The following TUBGCP3 variants were observed in gnomAD, a reference collection of about 807,000 sequenced individuals.
TUBGCP3 encodes the protein tubulin gamma complex component 3, also known as gamma-tubulin complex component 3.
TUBGCP3 carries 50 observed loss-of-function variants against 123.1 expected under a neutral mutation model. The ratio of observed to expected loss-of-function variants is 0.41; its 90% CI spans 0.32 to 0.51. TUBGCP3 has a LOEUF of 0.51. Among genes scored for constraint, TUBGCP3 ranks in the 20% least tolerant of loss-of-function variants. The probability of loss-of-function intolerance (pLI) is 0.36; values close to 1 mark genes in which losing one functional copy is unlikely to be tolerated. For synonymous variants in TUBGCP3, 405 were observed against 413.9 expected (o/e 0.98, Z 0.26); for missense variants, 882 against 1,127.0 (o/e 0.78, Z 3.11).
rs561898632 is a variant in TUBGCP3, at chr13:112,538,816, C to T, written c.1335+6883G>A. On this transcript the variant is annotated intron_variant, in intron 11 of 21. Transcript: ENST00000261965. Reference sequence around the variant, plus strand: ...GCAATTTTACAACAAAGTTATAATTCCCATTAGGGAAACTAAGGAAAAATT... The same window carrying T: ...GCAATTTTACAACAAAGTTATAATTTCCATTAGGGAAACTAAGGAAAAATT... Among the ~76,000 whole-genome samples the T allele has an allele frequency of 5.7e-3, 870 of 152,102 alleles. 7 individuals carry two copies. Among genetic ancestry groups the T allele is most frequent in the African/African-American group, 0.02 (830 of 41,492 alleles).
At chr13:112,520,166 G>T in intron 14 of TUBGCP3, 145 bp from the exon 15 acceptor site, 1 of 674,914 alleles carries the variant, frequency 1.5e-6, no homozygotes, top group Non-Finnish European at 2.3e-6. Flanking sequence ...GGCAACAAAA[G>T]CTTCAGAGCA....
In TUBGCP3 at chr13:112,588,047, CG is replaced by C. The variant is rs1437724849; in HGVS notation, c.-68del. 1 of 1,300,140 alleles carries C rather than the reference CG, an allele frequency of 7.7e-7. No homozygotes were observed. Among genetic ancestry groups the C allele is most frequent in the Non-Finnish European group, 1.0e-6 (1 of 998,388 alleles). The allele number at this position is 1,300,140 out of a possible 1,614,324, so 80.5% of individuals were successfully genotyped here. On this transcript the variant is annotated 5_prime_UTR_variant, in exon 1 of 22. Transcript: ENST00000261965. Reference sequence around the variant, plus strand: ...ACTGCCGCCGCACGCGCAGGGACCGCGGCCCGCGCCCTTCCTGCGCCCCGCA... The same window carrying C: ...ACTGCCGCCGCACGCGCAGGGACCGCGCCCGCGCCCTTCCTGCGCCCCGCA...
At chr13:112,535,807 G>A (rs6577089) in intron 11 of TUBGCP3, among the ~76,000 whole-genome samples, 1 of 151,978 alleles carries the variant, frequency 6.6e-6, no homozygotes, top group African/African-American at 2.4e-5. Flanking sequence ...TCTCACTGCT[G>A]GTGCTTTTGA....
chr13:112,582,323 C>T (rs1367437201), intron 1 of TUBGCP3, among the ~76,000 whole-genome samples: 1 of 152,194 alleles, frequency 6.6e-6, no homozygotes, highest in Non-Finnish European at 1.5e-5. Context: ...ATATGATGTA[C>T]AGTGGTTAAT....
chr13:112,563,146 C>G (rs140091035), intron 3 of TUBGCP3, among the ~76,000 whole-genome samples: 1 of 152,344 alleles, frequency 6.6e-6, no homozygotes, highest in East Asian at 1.9e-4. Flanking sequence ...CCACGTCAAC[C>G]TGGACCCTCC....
chr13:112,584,838 C>T (rs1409192508), intron 1 of TUBGCP3, among the ~76,000 whole-genome samples: 9 of 152,160 alleles, frequency 5.9e-5, no homozygotes, highest in South Asian at 4.1e-4. Context: ...AGAATAATTA[C>T]GCAAAGACAT....
rs547773266 is a variant in TUBGCP3 at position 112,576,823 on chromosome 13, A to G, written c.77-7564T>C. 8.2e-4 allele frequency among the ~76,000 whole-genome samples: 125 copies of G among 152,226 alleles called. 3 individuals are homozygous for G. Among genetic ancestry groups the G allele is most frequent in the African/African-American group, 3.0e-3 (124 of 41,550 alleles). On this transcript the variant is annotated intron_variant, in intron 1 of 21. Coordinates refer to ENST00000261965, the MANE Select transcript of TUBGCP3 (RefSeq NM_006322.6). The stretch of plus-strand genomic sequence containing the variant: ...CTTTAAAAAGGAAGATAGACCTCAA[A>G]TCAATAATCTCAGTTTATATGATAA...
chr13:112,487,386 C>A (rs1879756464), intron 21 of TUBGCP3, among the ~76,000 whole-genome samples: 1 of 152,062 alleles, frequency 6.6e-6, no homozygotes, highest in African/African-American at 2.4e-5. Flanking sequence ...CATTACCATT[C>A]AGATTTAAGA....
chr13:112,546,773 G>A (rs1251600791), intron 10 of TUBGCP3: 2 of 152,178 alleles, frequency 1.3e-5, no homozygotes, highest in African/African-American at 2.4e-5. Flanking sequence ...TGGAGAAAAC[G>A]CTGGCGTTTA....
At chr13:112,501,645 T>C (rs901162938) in intron 19 of TUBGCP3, among the ~76,000 whole-genome samples, 1 of 152,260 alleles carries the variant, frequency 6.6e-6, no homozygotes, top group Admixed American at 6.5e-5. Flanking sequence ...ATAGATTGTT[T>C]TAATCTGCTT....
At chr13:112,534,030 G>A (rs973679626) in intron 11 of TUBGCP3, among the ~76,000 whole-genome samples, 1 of 152,066 alleles carries the variant, frequency 6.6e-6, no homozygotes, top group Non-Finnish European at 1.5e-5. Flanking sequence ...TTGCGAGTGT[G>A]GAAGGGAGAT....
rs1338833116 is a variant in TUBGCP3, at chr13:112,511,786, C to T, written c.2086+4654G>A. Among the ~76,000 whole-genome samples, 1 of 152,174 alleles carries T rather than the reference C, an allele frequency of 6.6e-6. No individual in the cohort carries two copies. ...TTTTCAGATTCTGGGTCTCAGGCTG[C>T]TCTCCACTATACACTAGGGAGGTTT... is the stretch of plus-strand genomic sequence containing the variant. On this transcript the variant is annotated intron_variant, in intron 17 of 21. Transcript: ENST00000261965. This position sits in a 1 kb window ranked among gnomAD's most constrained non-coding sequence, Gnocchi z 4.1.
chr13:112,536,297 G>A (rs972661871), intron 11 of TUBGCP3, among the ~76,000 whole-genome samples: 1 of 152,238 alleles, frequency 6.6e-6, no homozygotes, highest in Non-Finnish European at 1.5e-5. Flanking sequence ...AATTTTGATA[G>A]ACATTGCATT....
intron 20 of TUBGCP3, among the ~76,000 whole-genome samples, chr13:112,490,858 T>C (rs991864888): frequency 5.3e-5 from 8 of 152,210 alleles, no homozygotes; most frequent in Admixed American, 5.2e-4. Context: ...CGCTTTTTGG[T>C]GGGAGCCCTT....
At chr13:112,494,800 C>G (rs184000480) in intron 20 of TUBGCP3, among the ~76,000 whole-genome samples, 1 of 152,330 alleles carries the variant, frequency 6.6e-6, no homozygotes, top group East Asian at 1.9e-4. Flanking sequence ...TAGTTTTGAT[C>G]TGCATTTCTT....
At chr13:112,589,957 T>C (rs1882847568), upstream of TUBGCP3, among the ~76,000 whole-genome samples, 1 of 152,164 alleles carries the variant, frequency 6.6e-6, no homozygotes, top group South Asian at 2.1e-4. Context: ...CCAAATGTTC[T>C]ACTCATACTT....
At chr13:112,546,160 A>G (rs534298025) in intron 10 of TUBGCP3, 55 of 311,900 alleles carry the variant, frequency 1.8e-4, no homozygotes, top group African/African-American at 1.1e-3. Flanking sequence ...TACACAATCT[A>G]AAGTTCACAT....
chr13:112,504,579 A>G, intron 18 of TUBGCP3, 47 bp downstream of exon 18: 2 of 1,454,144 alleles, frequency 1.4e-6, no homozygotes, highest in Non-Finnish European at 1.9e-6. Context: ...GTAAAAGCCA[A>G]GACATGACTT....
Position 112,588,140 on chromosome 13 carries a change from C to A in TUBGCP3, c.-160G>T. The A allele has an allele frequency of 1.9e-6, 1 of 534,114 alleles. No individual in the cohort carries two copies. The highest frequency in any genetic ancestry group is 3.0e-6 in the Non-Finnish European group (1 of 335,334). The allele number at this position is 534,114 out of a possible 1,614,324, so 33.1% of individuals were successfully genotyped here. Reference sequence around the variant, plus strand: ...CCACCAGGGCGCCATTTTAACGGAACCCGCCGAAAGCGCGGGCGCTTCCCA... The same window carrying A: ...CCACCAGGGCGCCATTTTAACGGAAACCGCCGAAAGCGCGGGCGCTTCCCA... On this transcript the variant is annotated 5_prime_UTR_variant, in exon 1 of 22. Coordinates refer to ENST00000261965, the MANE Select transcript of TUBGCP3 (RefSeq NM_006322.6).
Sources: allele counts gnomAD v4.1 joint callset (sites outside exome capture counted in the v4.1 genomes callset), GRCh38; gene constraint gnomAD v4.1.1; non-coding constraint Gnocchi (gnomAD v3.1); transcripts MANE v1.5; gene names NCBI Gene and HGNC (gene_info 2026-07-23, HGNC 2026-07-21).